Variants in IL1RAPL1 observed in about 807,000 individuals in gnomAD.
IL1RAPL1 encodes the protein interleukin 1 receptor accessory protein like 1, also known as interleukin-1 receptor accessory protein-like 1.
IL1RAPL1 carries 3 observed loss-of-function variants against 48.4 expected under a neutral mutation model. The observed-to-expected ratio is 0.06, with a 90% CI of 0.03 to 0.16. The LOEUF (loss-of-function observed/expected upper bound fraction) is 0.16. Ranked by LOEUF, IL1RAPL1 falls within the 10% of genes least tolerant of loss-of-function variation. IL1RAPL1 has a pLI of 1.00. For missense variants in IL1RAPL1, 349 were observed against 530.6 expected (o/e 0.66, Z 3.36); for synonymous variants, 185 against 187.7 (o/e 0.99, Z 0.12).
intron 2 of IL1RAPL1, among the ~76,000 whole-genome samples, chrX:28,962,220 T>C (rs1388719485): frequency 3.6e-5 from 4 of 112,273 alleles, no homozygotes; most frequent in Non-Finnish European, 7.5e-5. Flanking sequence ...TTGGAAAACA[T>C]AAACATTCAA....
At chrX:29,045,909 C>G in intron 2 of IL1RAPL1, among the ~76,000 whole-genome samples, 1 of 102,922 alleles carries the variant, frequency 9.7e-6, no homozygotes, top group East Asian at 3.2e-4. Context: ...CCTCCTCCTC[C>G]TCCTCCTTCT....
chrX:28,838,488 A>C (rs1035513258), intron 2 of IL1RAPL1, among the ~76,000 whole-genome samples: 1 of 111,240 alleles, frequency 9.0e-6, no homozygotes, highest in African/African-American at 3.3e-5. Context: ...AGATGCAGAA[A>C]AGAGAAATGA....
chrX:29,551,869 A>G (rs1465027727), intron 5 of IL1RAPL1, among the ~76,000 whole-genome samples: 1 of 109,172 alleles, frequency 9.2e-6, no homozygotes, highest in Non-Finnish European at 1.9e-5. Flanking sequence ...ATCAGCCTGA[A>G]GCCTGGACCC....
chrX:28,743,535 T>C (rs1325178517), intron 1 of IL1RAPL1, among the ~76,000 whole-genome samples: 1 of 111,096 alleles, frequency 9.0e-6, no homozygotes, highest in Non-Finnish European at 1.9e-5. Flanking sequence ...ACCAAGTATA[T>C]AGTTTGCACA....
At chrX:28,721,809 A>G (rs1159385215) in intron 1 of IL1RAPL1, among the ~76,000 whole-genome samples, 5 of 111,102 alleles carry the variant, frequency 4.5e-5, no homozygotes, top group Admixed American at 3.8e-4. Context: ...AGCTTTCTAC[A>G]TATGGCTAGC....
chrX:29,757,127 C>T (rs769289240), intron 6 of IL1RAPL1, among the ~76,000 whole-genome samples: 1 of 112,302 alleles, frequency 8.9e-6, no homozygotes, highest in East Asian at 2.8e-4. Flanking sequence ...TGTTTTAAGC[C>T]ACTTAGTTTG....
Position 29,241,375 on chromosome X carries a change from C to G in IL1RAPL1, c.83-41563C>G, listed in dbSNP as rs181266129. Among the ~76,000 whole-genome samples, 290 of 111,458 alleles carry G rather than the reference C, an allele frequency of 2.6e-3. 1 individual carries two copies. Among genetic ancestry groups the G allele is most frequent in the African/African-American group, 8.5e-3 (260 of 30,654 alleles). On this transcript the variant is annotated intron_variant, in intron 2 of 10. Coordinates refer to ENST00000378993, the MANE Select transcript of IL1RAPL1 (RefSeq NM_014271.4). ...TCTCTAATTATTGCATCCTTTTAAA[C>G]AAGTTAAAGGATAGCTTTTTGCCTC...
At chrX:29,810,516 G>A (rs1411455368) in intron 6 of IL1RAPL1, among the ~76,000 whole-genome samples, 4 of 111,638 alleles carry the variant, frequency 3.6e-5, no homozygotes, top group Non-Finnish European at 7.5e-5. Flanking sequence ...TCCTTTTTCA[G>A]ATTCATTAGT....
intron 2 of IL1RAPL1, among the ~76,000 whole-genome samples, chrX:29,169,899 A>T (rs930204692): frequency 3.6e-5 from 4 of 111,410 alleles, no homozygotes; most frequent in African/African-American, 1.3e-4. Flanking sequence ...TCCCTATAAT[A>T]ATATTTAATT....
intron 1 of IL1RAPL1, among the ~76,000 whole-genome samples, chrX:28,625,737 C>CGTGTGTGTGTGTGTGTGT (rs112613600): frequency 0.027 from 2,653 of 99,246 alleles, 57 homozygotes; most frequent in African/African-American, 0.062. Context: ...AATCAAAATG[C>CGTGTGTGTGTGTGTGTGT]GTGTGTGTGT....
intron 1 of IL1RAPL1, among the ~76,000 whole-genome samples, chrX:28,771,165 CTG>C (rs1337433957): frequency 1.8e-5 from 2 of 111,765 alleles, no homozygotes; most frequent in Admixed American, 1.9e-4. Context: ...TCATCCCACT[CTG>C]TCTCTTTGAG....
chrX:29,662,397 A>G (rs1235722958), intron 5 of IL1RAPL1, among the ~76,000 whole-genome samples: 1 of 111,273 alleles, frequency 9.0e-6, no homozygotes, highest in African/African-American at 3.3e-5. Context: ...CTATCTCTTT[A>G]GCTGCTTTAA....
intron 6 of IL1RAPL1, among the ~76,000 whole-genome samples, chrX:29,784,536 G>C (rs779942094): frequency 9.0e-6 from 1 of 111,574 alleles, no homozygotes; most frequent in East Asian, 2.8e-4. Flanking sequence ...TATTGTAGGA[G>C]TAGCAAAAAA....
chrX:29,334,559 C>T (rs1226782498), intron 3 of IL1RAPL1, among the ~76,000 whole-genome samples: 55 of 107,009 alleles, frequency 5.1e-4, no homozygotes, highest in African/African-American at 2.0e-3. Context: ...ACTTCTCAGA[C>T]GGGGCGGTTG....
At chrX:28,733,334 C>A (rs955441807) in intron 1 of IL1RAPL1, among the ~76,000 whole-genome samples, 5 of 110,764 alleles carry the variant, frequency 4.5e-5, no homozygotes, top group African/African-American at 1.6e-4. Flanking sequence ...CCCAGCTCCT[C>A]CTGCCATTTC....
intron 6 of IL1RAPL1, among the ~76,000 whole-genome samples, chrX:29,704,851 A>G (rs1467022505): frequency 8.9e-6 from 1 of 111,795 alleles, no homozygotes; most frequent in African/African-American, 3.3e-5. Context: ...AACTTTTCAT[A>G]TAACTTAATT....
chrX:29,553,235 TTA>T (rs909525410), intron 5 of IL1RAPL1, among the ~76,000 whole-genome samples: 13 of 111,855 alleles, frequency 1.2e-4, no homozygotes, highest in African/African-American at 4.2e-4. Flanking sequence ...GTGTTAGGAT[TTA>T]TGTTAATATG....
chrX:29,439,014 G>T (rs181228620), intron 5 of IL1RAPL1, among the ~76,000 whole-genome samples: 10 of 110,817 alleles, frequency 9.0e-5, no homozygotes, highest in Non-Finnish European at 1.3e-4. Flanking sequence ...CCTTTTTCCT[G>T]TTACCACATA....
intron 5 of IL1RAPL1, among the ~76,000 whole-genome samples, chrX:29,417,727 C>G (rs780965987): frequency 4.5e-4 from 50 of 111,100 alleles, no homozygotes; most frequent in African/African-American, 1.4e-3. Flanking sequence ...AACAGAAATG[C>G]TGTATATAGT....
Sources: gnomAD v4.1 joint callset for allele counts (sites outside exome capture counted in the v4.1 genomes callset) on GRCh38, gnomAD v4.1.1 for gene constraint, MANE v1.5 for transcripts, NCBI Gene and HGNC (gene_info 2026-07-23, HGNC 2026-07-21) for gene names.